The following UGT1A5 variants were observed in gnomAD, a reference collection of about 807,000 sequenced individuals.
The protein encoded by UGT1A5 is UDP glucuronosyltransferase family 1 member A5, also known as UDP-glucuronosyltransferase 1A5.
In UGT1A5, 29 loss-of-function variants were observed where a neutral mutation model predicts 40.3. The observed-to-expected ratio is 0.72, with a 90% confidence interval of 0.54 to 0.98. The LOEUF is 0.98. UGT1A5 is among the 50% of genes least tolerant of loss of function. The probability of loss-of-function intolerance (pLI) is 0.00; values close to 1 mark genes in which losing one functional copy is unlikely to be tolerated. For missense variants in UGT1A5, 678 were observed against 677.9 expected (o/e 1.00, Z 0.00); for synonymous variants, 257 against 262.5 (o/e 0.98, Z 0.20).
chr2:233,716,263 C>T (rs188566072), intron 1 of UGT1A5, among the ~76,000 whole-genome samples: 1 of 152,170 alleles, frequency 6.6e-6, no homozygotes, highest in Admixed American at 6.5e-5. Flanking sequence ...CATAATCTCC[C>T]CATGTCAAAA....
rs192671736 is a variant in UGT1A5, at chr2:233,743,440, G to T, written c.868-23594G>T. 5.4e-5 allele frequency: 74 copies of T among 1,361,822 alleles called. 1 individual carries two copies. The African/African-American group carries it at 9.7e-4, about 18-fold the overall frequency. The allele number at this position is 1,361,822 out of a possible 1,614,324, so 84.4% of individuals were successfully genotyped here. A position where few individuals can be genotyped will look rare whatever the true frequency, so the allele number is the denominator to read the frequency against. Reference sequence around the variant, plus strand: ...CAGGGAGCCAAAGGAACGAAATCCTGTATCAAAAGAAGAAAAAACACCCCC... The same window carrying T: ...CAGGGAGCCAAAGGAACGAAATCCTTTATCAAAAGAAGAAAAAACACCCCC... On this transcript the variant is annotated intron_variant, in intron 1 of 4. Transcript: ENST00000373414.
chr2:233,714,925 G>A (rs1358582665), intron 1 of UGT1A5, among the ~76,000 whole-genome samples: 5 of 152,094 alleles, frequency 3.3e-5, no homozygotes, highest in African/African-American at 1.2e-4. Flanking sequence ...CACCCAGTCT[G>A]GAGTGCAGTG....
chr2:233,743,691 C>T (rs368518074), intron 1 of UGT1A5: 24 of 1,367,118 alleles, frequency 1.8e-5, no homozygotes, highest in Non-Finnish European at 2.2e-5. Context: ...CCTGTGCAGC[C>T]GCCCTCCGCC....
At chr2:233,720,947 G>A (rs2076910008) in intron 1 of UGT1A5, among the ~76,000 whole-genome samples, 1 of 147,996 alleles carries the variant, frequency 6.8e-6, no homozygotes, top group Non-Finnish European at 1.5e-5. Context: ...CTGACCTCAT[G>A]TGATCTGCCC....
intron 1 of UGT1A5, among the ~76,000 whole-genome samples, chr2:233,766,257 A>AGTGGCCCGGGCTCG (rs36213637): frequency 2.6e-5 from 4 of 151,512 alleles, no homozygotes; most frequent in African/African-American, 4.9e-5. Context: ...CAGACCGCTC[A>AGTGGCCCGGGCTCG]GTGGCCCGGG....
intron 1 of UGT1A5, chr2:233,721,736 T>A: frequency 2.3e-6 from 1 of 427,568 alleles, no homozygotes; most frequent in Admixed American, 2.5e-5. Flanking sequence ...ATAAGCTTAA[T>A]GATGAGAGAA....
intron 1 of UGT1A5, among the ~76,000 whole-genome samples, chr2:233,764,942 G>C (rs12479045): frequency 0.069 from 10,555 of 152,174 alleles, 509 homozygotes; most frequent in East Asian, 0.2. Flanking sequence ...TGAGAGTGGC[G>C]GGGAGAGAGG....
In UGT1A5 at chr2:233,755,161, CG is replaced by C. The variant is rs146856809; in HGVS notation, c.868-11869del. The stretch of plus-strand genomic sequence containing the variant: ...CTTCTCACCGCTTCCTCCCTGTCCT[CG>C]GGGTTTTTGTCGGGGTGCCACTTGA... On this transcript the variant is annotated intron_variant, in intron 1 of 4. Transcript: ENST00000373414. 2.3e-3 allele frequency: 2,947 copies of C among 1,292,234 alleles called. 56 individuals carry two copies. The African/African-American group carries it at 0.041, about 18-fold the overall frequency. The allele number at this position is 1,292,234 out of a possible 1,614,324, so 80.0% of individuals were successfully genotyped here.
chr2:233,767,818 C>G lies in UGT1A5; in HGVS notation c.1000-31C>G, dbSNP rs766005162. On this transcript the variant is annotated intron_variant, in intron 2 of 4. Coordinates refer to ENST00000373414, the MANE Select transcript of UGT1A5 (RefSeq NM_019078.2). ...GTTTTCTAATCATATTATGTTCTTT[C>G]TTTACGTTCTGCTCTTTTTGCCCCT... The G allele has an allele frequency of 1.9e-6, 3 of 1,614,028 alleles. No homozygotes were observed. In the South Asian group the frequency reaches 3.3e-5, roughly 18 times the overall value.
chr2:233,724,346 C>T (rs1441595042), intron 1 of UGT1A5, among the ~76,000 whole-genome samples: 2 of 148,086 alleles, frequency 1.4e-5, no homozygotes, highest in Admixed American at 6.7e-5. Context: ...GCTGACCCCC[C>T]CCACCTCCCT....
chr2:233,760,984 C>T lies in UGT1A5; in HGVS notation c.868-6050C>T. 6.2e-7 allele frequency: 1 copy of T among 1,614,234 alleles called. No individual in the cohort carries two copies. The highest frequency in any genetic ancestry group is 8.5e-7 in the Non-Finnish European group (1 of 1,180,042). ...CGTGGTTTATTCCCCGTATGCAACC[C>T]TTGCCTCAGAATTCCTTCAGAGAGA... is the stretch of plus-strand genomic sequence containing the variant. On this transcript the variant is annotated intron_variant, in intron 1 of 4. Coordinates refer to ENST00000373414, the MANE Select transcript of UGT1A5 (RefSeq NM_019078.2).
intron 1 of UGT1A5, chr2:233,761,087 C>G (rs141950052): frequency 6.2e-7 from 1 of 1,614,018 alleles, no homozygotes; most frequent in Non-Finnish European, 8.5e-7. Flanking sequence ...TACCCTAGGC[C>G]CATCATGCCC....
chr2:233,760,380 G>A, intron 1 of UGT1A5: 1 of 1,614,192 alleles, frequency 6.2e-7, no homozygotes, highest in Non-Finnish European at 8.5e-7. Flanking sequence ...GGAAGATACT[G>A]TTGATCCCAG....
chr2:233,756,324 A>G lies in UGT1A5; in HGVS notation c.868-10710A>G, dbSNP rs548800161. On this transcript the variant is annotated intron_variant, in intron 1 of 4. Coordinates refer to ENST00000373414, the MANE Select transcript of UGT1A5 (RefSeq NM_019078.2). The stretch of plus-strand genomic sequence containing the variant: ...ATAACCTACCCATATCCTCCTTTAA[A>G]CCTCTAGTCATCTCTTGATTACTTT... 5.1e-4 allele frequency: 77 copies of G among 152,086 alleles called. 1 individual carries two copies. Among genetic ancestry groups the G allele is most frequent in the Middle Eastern group, 3.4e-3 (1 of 294 alleles). 9.4% of individuals were successfully genotyped at this position (152,086 alleles called of 1,614,324 possible).
chr2:233,737,358 T>G (rs955996652), intron 1 of UGT1A5, among the ~76,000 whole-genome samples: 1 of 152,234 alleles, frequency 6.6e-6, no homozygotes, highest in African/African-American at 2.4e-5. Flanking sequence ...TGGGAGCTGC[T>G]AAGCCAGGCA....
chr2:233,731,217 A>G (rs1429069865), intron 1 of UGT1A5, among the ~76,000 whole-genome samples: 2 of 151,714 alleles, frequency 1.3e-5, no homozygotes, highest in Non-Finnish European at 2.9e-5. Flanking sequence ...GTTTATTTAG[A>G]TTTGTAAAAA....
chr2:233,724,455 C>T lies in UGT1A5; in HGVS notation c.867+10597C>T, dbSNP rs528357739. The stretch of plus-strand genomic sequence containing the variant: ...CTCACTTCTCAGACAGGGCAGCTGC[C>T]GGGCGGAGGGGCTCCTCACTTCTCA... On this transcript the variant is annotated intron_variant, in intron 1 of 4. Transcript: ENST00000373414. Among the ~76,000 whole-genome samples, 1,260 of 127,892 alleles carry T rather than the reference C, an allele frequency of 9.9e-3. 63 individuals carry two copies. The highest frequency in any genetic ancestry group is 0.036 in the African/African-American group (1,175 of 32,784). 83.9% of individuals were successfully genotyped at this position (127,892 alleles called of 152,430 possible).
At chr2:233,724,302 T>A (rs1575551867) in intron 1 of UGT1A5, among the ~76,000 whole-genome samples, 11 of 123,398 alleles carry the variant, frequency 8.9e-5, no homozygotes, top group South Asian at 6.0e-4. Context: ...CCCCCCCACC[T>A]CCCTCCCGGA....
intron 1 of UGT1A5, chr2:233,755,069 G>T: frequency 2.2e-6 from 3 of 1,336,508 alleles, no homozygotes; most frequent in Non-Finnish European, 3.0e-6. Flanking sequence ...CCTCGCCATA[G>T]CGGTCATAGA....
Sources: gnomAD v4.1 joint callset for allele counts (sites outside exome capture counted in the v4.1 genomes callset) on GRCh38, gnomAD v4.1.1 for gene constraint, MANE v1.5 for transcripts, NCBI Gene and HGNC (gene_info 2026-07-23, HGNC 2026-07-21) for gene names.